Variants in SULT4A1 observed in about 807,000 individuals in gnomAD.
SULT4A1 encodes sulfotransferase 4A1.
SULT4A1 carries 11 observed loss-of-function variants against 35.2 expected under a neutral mutation model. The observed-to-expected ratio is 0.31, with a 90% CI of 0.20 to 0.52. The LOEUF (loss-of-function observed/expected upper bound fraction) is 0.52. SULT4A1 is among the 20% of genes least tolerant of loss of function. SULT4A1 has a pLI of 0.97. For missense variants in SULT4A1, 271 were observed against 383.7 expected (o/e 0.71, Z 2.45); for synonymous variants, 152 against 151.8 (o/e 1.00, Z -0.01).
chr22:43,840,123 G>C lies in SULT4A1; in HGVS notation c.301-98C>G, dbSNP rs150723773. On this transcript the variant is annotated intron_variant, in intron 2 of 6. Coordinates refer to ENST00000330884, the MANE Select transcript of SULT4A1 (RefSeq NM_014351.4). ...AGGGGGCCAGAGGAGGAAGGAAGGG[G>C]TGGGGTTCAGGGGAAGTGGAGTTAT... 2.3e-4 allele frequency: 198 copies of C among 851,504 alleles called. No homozygotes were observed. The East Asian group carries it at 5.3e-3, about 23-fold the overall frequency. The allele number at this position is 851,504 out of a possible 1,614,324, so 52.7% of individuals were successfully genotyped here. A position where few individuals can be genotyped will look rare whatever the true frequency, so the allele number is the denominator to read the frequency against.
intron 1 of SULT4A1, among the ~76,000 whole-genome samples, chr22:43,846,856 C>G (rs2063480061): frequency 6.6e-6 from 1 of 152,302 alleles, no homozygotes; most frequent in South Asian, 2.1e-4. Flanking sequence ...TGAAATGGGC[C>G]TCTCCCAGTG....
At chr22:43,827,661 G>T in intron 6 of SULT4A1, 3 of 1,365,476 alleles carry the variant, frequency 2.2e-6, no homozygotes, top group South Asian at 1.1e-5. Context: ...ACAAATCAAA[G>T]AACTGAAATA....
Position 43,836,321 on chromosome 22 carries a change from C to G in SULT4A1, c.508+2546G>C, listed in dbSNP as rs1392728635. Among the ~76,000 whole-genome samples, 7 of 129,820 alleles carry G rather than the reference C, an allele frequency of 5.4e-5. No homozygotes were observed. In the East Asian group the frequency reaches 1.4e-3, roughly 25 times the overall value. The allele number at this position is 129,820 out of a possible 152,430, so 85.2% of individuals were successfully genotyped here. On this transcript the variant is annotated intron_variant, in intron 4 of 6. Coordinates refer to ENST00000330884, the MANE Select transcript of SULT4A1 (RefSeq NM_014351.4). ...GGACCCTGTCTACACAGCGTCCTCA[C>G]ACTGCAGGTGCCACAGGGACCCTGT...
At chr22:43,844,374 C>T (rs1218416910) in intron 1 of SULT4A1, among the ~76,000 whole-genome samples, 3 of 152,122 alleles carry the variant, frequency 2.0e-5, no homozygotes, top group African/African-American at 4.8e-5. Flanking sequence ...CTGAGGACAC[C>T]CTGGCACTCA....
intron 4 of SULT4A1, among the ~76,000 whole-genome samples, chr22:43,836,844 C>A (rs1485041467): frequency 7.3e-6 from 1 of 137,310 alleles, no homozygotes; most frequent in Admixed American, 7.3e-5. Context: ...AGGGACCCAG[C>A]CTACACAGCG....
intron 6 of SULT4A1, chr22:43,826,700 A>G (rs972331045): frequency 1.0e-6 from 1 of 985,348 alleles, no homozygotes; most frequent in East Asian, 1.1e-4. Flanking sequence ...AAAGATGCAG[A>G]TTTCAAGAAG....
At chr22:43,827,716 G>A (rs2063297668) in intron 6 of SULT4A1, 4 of 1,074,990 alleles carry the variant, frequency 3.7e-6, no homozygotes, top group Admixed American at 2.1e-5. Flanking sequence ...CCAAGGGAAG[G>A]AGCATATGGG....
intron 1 of SULT4A1, among the ~76,000 whole-genome samples, chr22:43,860,910 G>T (rs1462023851): frequency 6.6e-6 from 1 of 152,076 alleles, no homozygotes; most frequent in African/African-American, 2.4e-5. Flanking sequence ...CCTGACCTCT[G>T]TCCCTCAGCA....
At chr22:43,830,082 C>T (rs879436331) in intron 5 of SULT4A1, among the ~76,000 whole-genome samples, 3 of 152,220 alleles carry the variant, frequency 2.0e-5, no homozygotes, top group Non-Finnish European at 4.4e-5. Context: ...CCTGCAGCAG[C>T]GGTTGCAGGT....
chr22:43,844,319 G>A (rs1213556068), intron 1 of SULT4A1, among the ~76,000 whole-genome samples: 1 of 152,244 alleles, frequency 6.6e-6, no homozygotes, highest in Non-Finnish European at 1.5e-5. Flanking sequence ...CCAGCGTGCC[G>A]TGCCATTAAA....
At chr22:43,840,101 G>A (rs899728016) in intron 2 of SULT4A1, 76 bp from the exon 3 acceptor site, 3 of 1,143,118 alleles carry the variant, frequency 2.6e-6, no homozygotes, top group Admixed American at 4.4e-5. Context: ...AAGGGGAAGG[G>A]GGCCAGAGGA....
At chr22:43,837,837 A>G (rs1359050061) in intron 4 of SULT4A1, among the ~76,000 whole-genome samples, 1 of 152,204 alleles carries the variant, frequency 6.6e-6, no homozygotes, top group Non-Finnish European at 1.5e-5. Context: ...TCTCTGCTAC[A>G]TGATTCATCC....
At chr22:43,852,755 T>C (rs889375395) in intron 1 of SULT4A1, among the ~76,000 whole-genome samples, 15 of 150,370 alleles carry the variant, frequency 1.0e-4, no homozygotes, top group African/African-American at 3.7e-4. Context: ...GAGTTCCTGG[T>C]CACCCGGCTG....
At chr22:43,851,621 G>A (rs2049342856) in intron 1 of SULT4A1, among the ~76,000 whole-genome samples, 1 of 152,156 alleles carries the variant, frequency 6.6e-6, no homozygotes, top group South Asian at 2.1e-4. Flanking sequence ...ACCCCAGCCT[G>A]GAGACTGGAA....
At chr22:43,829,386 G>A (rs1188526963) in intron 5 of SULT4A1, among the ~76,000 whole-genome samples, 188 bp from the exon 6 acceptor site, 1 of 152,256 alleles carries the variant, frequency 6.6e-6, no homozygotes, top group Non-Finnish European at 1.5e-5. Flanking sequence ...AGTGTGCTCA[G>A]CTCTCACGTG....
At chr22:43,842,011 G>A in intron 1 of SULT4A1, 79 bp from the exon 2 acceptor site, 1 of 1,528,078 alleles carries the variant, frequency 6.5e-7, no homozygotes, top group Non-Finnish European at 8.8e-7. Flanking sequence ...AACACCTGCT[G>A]CCCAAGAAGG....
intron 1 of SULT4A1, among the ~76,000 whole-genome samples, chr22:43,848,810 C>T (rs989061744): frequency 2.0e-5 from 3 of 152,194 alleles, no homozygotes; most frequent in African/African-American, 7.2e-5. Flanking sequence ...TGGAAGCCAG[C>T]CCAGGCCCCA....
chr22:43,839,866 C>A (rs1262750878), intron 3 of SULT4A1, 79 bp downstream of exon 3: 5 of 1,359,832 alleles, frequency 3.7e-6, no homozygotes, highest in South Asian at 1.2e-5. Flanking sequence ...TGCCAGGGAC[C>A]TGCATGTGTA....
chr22:43,829,393 C>T (rs1475830819), intron 5 of SULT4A1, among the ~76,000 whole-genome samples, 195 bp from the exon 6 acceptor site: 1 of 152,224 alleles, frequency 6.6e-6, no homozygotes. Flanking sequence ...TCAGCTCTCA[C>T]GTGGAGATCT....
Sources: gnomAD v4.1 joint callset for allele counts (sites outside exome capture counted in the v4.1 genomes callset) on GRCh38, gnomAD v4.1.1 for gene constraint, MANE v1.5 for transcripts, NCBI Gene and HGNC (gene_info 2026-07-23, HGNC 2026-07-21) for gene names.